RANBP2: variants seen among roughly 807,000 people sequenced by gnomAD.
RANBP2 encodes E3 SUMO-protein ligase RanBP2.
In RANBP2, 57 loss-of-function variants were observed where a neutral mutation model predicts 303.6. The ratio of observed to expected loss-of-function variants is 0.19; its 90% CI spans 0.15 to 0.23. RANBP2 has a LOEUF of 0.23. RANBP2 is among the 10% of genes least tolerant of loss of function. The probability of loss-of-function intolerance (pLI) is 1.00; values close to 1 mark genes in which losing one functional copy is unlikely to be tolerated. For missense variants in RANBP2, 3,138 were observed against 3,780.8 expected (o/e 0.83, Z 4.46); for synonymous variants, 1,167 against 1,301.5 (o/e 0.90, Z 2.23).
chr2:109,763,260 T>A, the RANBP2 span, among the ~76,000 whole-genome samples: 1 of 150,516 alleles, frequency 6.6e-6, no homozygotes, highest in Non-Finnish European at 1.5e-5. Flanking sequence ...CAGACACTGT[T>A]CTGAGTACAT....
chr2:109,419,439 G>A, the RANBP2 span: 28 of 1,256,576 alleles, frequency 2.2e-5, no homozygotes, highest in African/African-American at 2.4e-4. Context: ...GGCAGCTGGC[G>A]AAGCACAGGC....
At chr2:108,893,231 A>ATCTC in the RANBP2 span, among the ~76,000 whole-genome samples, 97 of 151,844 alleles carry the variant, frequency 6.4e-4, no homozygotes, top group African/African-American at 2.3e-3. Flanking sequence ...TACTTGTCAA[A>ATCTC]TCTCAGTAGA....
Position 108,777,149 on chromosome 2 carries a change from A to G in RANBP2, c.8517A>G (p.Ser2839=), listed in dbSNP as rs375850003. The G allele has an allele frequency of 1.9e-5, 30 of 1,613,224 alleles. No homozygotes were observed. Among genetic ancestry groups the G allele is most frequent in the Non-Finnish European group, 2.3e-5 (27 of 1,179,490 alleles). ...TGCCAGGGGAAAGCAAGATAGTTTC[A>G]TTTGGATTTGGAAGTAGCACAGGGC... ...STSQGESKIV[S]FGFGSSTGLS... The change falls in exon 25 of 29, where the codon TCA becomes TCG. Residue 2839 remains serine (S), a synonymous_variant. Transcript: ENST00000283195.
the RANBP2 span, among the ~76,000 whole-genome samples, chr2:109,623,812 C>T: frequency 6.6e-6 from 1 of 152,094 alleles, no homozygotes; most frequent in Admixed American, 6.6e-5. Context: ...AAATCAATCT[C>T]CTAAAAGAAC....
At chr2:109,201,934 TA>T in the RANBP2 span, among the ~76,000 whole-genome samples, 1 of 152,284 alleles carries the variant, frequency 6.6e-6, no homozygotes, top group South Asian at 2.1e-4. Context: ...CGTGGCATCA[TA>T]AAAAAACTGG....
the RANBP2 span, among the ~76,000 whole-genome samples, chr2:109,098,258 T>G: frequency 7.2e-5 from 11 of 152,230 alleles, no homozygotes; most frequent in Non-Finnish European, 2.9e-5. Context: ...ACTAAACTCA[T>G]GTACAAGTCC....
At chr2:109,465,646 G>A in the RANBP2 span, among the ~76,000 whole-genome samples, 29 of 152,310 alleles carry the variant, frequency 1.9e-4, no homozygotes, top group Admixed American at 8.5e-4. Flanking sequence ...AAAGAAAAGA[G>A]GTTTAATTGG....
the RANBP2 span, among the ~76,000 whole-genome samples, chr2:108,833,232 T>C: frequency 1.3e-5 from 2 of 152,212 alleles, no homozygotes; most frequent in African/African-American, 4.8e-5. Context: ...TGAATCCTAA[T>C]GTAAACTATA....
At chr2:109,233,460 ACTT>A in the RANBP2 span, among the ~76,000 whole-genome samples, 3 of 152,074 alleles carry the variant, frequency 2.0e-5, no homozygotes, top group Non-Finnish European at 4.4e-5. Context: ...GCACTGCTCT[ACTT>A]CTCTGCCAGT....
At chr2:109,511,278 G>A in the RANBP2 span, among the ~76,000 whole-genome samples, 1 of 152,314 alleles carries the variant, frequency 6.6e-6, no homozygotes, top group Admixed American at 6.5e-5. Context: ...AGCCTGACTC[G>A]GGACTGGAGA....
chr2:108,737,697 C>G (rs1219736860), intron 6 of RANBP2, among the ~76,000 whole-genome samples: 2 of 150,570 alleles, frequency 1.3e-5, no homozygotes, highest in Admixed American at 6.6e-5. Context: ...TACAGGTGCC[C>G]GCCACCACAC....
the RANBP2 span, among the ~76,000 whole-genome samples, chr2:109,728,185 G>A: frequency 6.6e-6 from 1 of 152,146 alleles, no homozygotes; most frequent in East Asian, 1.9e-4. Flanking sequence ...CCTTGCCTCA[G>A]AAGCCAGCAG....
the RANBP2 span, chr2:108,791,931 G>C: frequency 3.2e-6 from 3 of 930,654 alleles, no homozygotes; most frequent in Middle Eastern, 5.0e-4. Flanking sequence ...ACTTCTGTAA[G>C]CTAGGAGATA....
At chr2:109,395,544 A>G in the RANBP2 span, among the ~76,000 whole-genome samples, 1 of 151,872 alleles carries the variant, frequency 6.6e-6, no homozygotes, top group Non-Finnish European at 1.5e-5. Flanking sequence ...GAAGCTGCCT[A>G]TCTTGGTGGA....
chr2:109,505,805 C>G, the RANBP2 span, among the ~76,000 whole-genome samples: 1 of 152,192 alleles, frequency 6.6e-6, no homozygotes, highest in African/African-American at 2.4e-5. Context: ...AAGCTGGGTG[C>G]CAAACCTGTA....
At chr2:109,320,018 G>A in the RANBP2 span, among the ~76,000 whole-genome samples, 139 of 152,292 alleles carry the variant, frequency 9.1e-4, no homozygotes, top group African/African-American at 3.1e-3. Flanking sequence ...GTTCCCAGCT[G>A]GAGCTGTTTC....
chr2:109,090,695 A>G, the RANBP2 span, among the ~76,000 whole-genome samples: 1 of 152,052 alleles, frequency 6.6e-6, no homozygotes, highest in Admixed American at 6.6e-5. Flanking sequence ...ATTTTTATTT[A>G]TTAGACTTGT....
At chr2:108,893,612 C>CAAAT in the RANBP2 span, among the ~76,000 whole-genome samples, 5 of 151,412 alleles carry the variant, frequency 3.3e-5, no homozygotes, top group African/African-American at 1.2e-4. Flanking sequence ...ACAAAACTGA[C>CAAAT]AAATAGAGTC....
chr2:109,367,513 C>T, the RANBP2 span, among the ~76,000 whole-genome samples: 1 of 152,058 alleles, frequency 6.6e-6, no homozygotes, highest in Admixed American at 6.5e-5. Flanking sequence ...AACTCCTGAC[C>T]TCAGGTGATC....
Sources: gnomAD v4.1 joint callset for allele counts (sites outside exome capture counted in the v4.1 genomes callset) on GRCh38, gnomAD v4.1.1 for gene constraint, MANE v1.5 for transcripts, NCBI Gene and HGNC (gene_info 2026-07-23, HGNC 2026-07-21) for gene names.